The following SPEN variants were observed in gnomAD, a reference collection of about 807,000 sequenced individuals.
SPEN encodes spen family transcriptional repressor, also known as msx2-interacting protein.
A neutral mutation model predicts 269.9 loss-of-function variants in SPEN; 18 were observed. The ratio of observed to expected loss-of-function variants is 0.07; its 90% CI spans 0.05 to 0.10. SPEN has a LOEUF of 0.10. Among genes scored for constraint, SPEN ranks in the 10% least tolerant of loss-of-function variants. The probability of loss-of-function intolerance (pLI) is 1.00; values close to 1 mark genes in which losing one functional copy is unlikely to be tolerated. For synonymous variants in SPEN, 1,726 were observed against 1,765.7 expected (o/e 0.98, Z 0.56); for missense variants, 3,822 against 4,631.2 (o/e 0.83, Z 5.07).
At chr1:15,895,678 CT>C (rs746305617) in intron 3 of SPEN, among the ~76,000 whole-genome samples, 1,331 of 129,660 alleles carry the variant, frequency 0.01, 5 homozygotes, top group African/African-American at 0.029. Flanking sequence ...TATACTTAAC[CT>C]TTTTTTTTTT....
chr1:15,888,218 CTT>C (rs763541391), intron 3 of SPEN, among the ~76,000 whole-genome samples: 1 of 151,110 alleles, frequency 6.6e-6, no homozygotes, highest in Non-Finnish European at 1.5e-5. Flanking sequence ...AAGCGATTCT[CTT>C]GTCTCAGCCT....
At chr1:15,904,452 CAA>C (rs1215369183) in intron 3 of SPEN, among the ~76,000 whole-genome samples, 551 of 48,574 alleles carry the variant, frequency 0.011, 2 homozygotes, top group African/African-American at 0.025. Flanking sequence ...AACTCCATCT[CAA>C]AAAAAAAAAA....
At chr1:15,862,801 G>A (rs1418704173) in intron 1 of SPEN, among the ~76,000 whole-genome samples, 1 of 149,904 alleles carries the variant, frequency 6.7e-6, no homozygotes, top group African/African-American at 2.5e-5. Context: ...TCGCTCTGTC[G>A]CCCAGGCTAG....
chr1:15,883,912 C>A (rs2070712601), intron 3 of SPEN, among the ~76,000 whole-genome samples: 1 of 151,182 alleles, frequency 6.6e-6, no homozygotes, highest in Admixed American at 6.6e-5. Flanking sequence ...TGGGTTCACG[C>A]CATTTTCTTG....
chr1:15,930,917 G>A lies in SPEN; in HGVS notation c.4677G>A (p.Arg1559=). The A allele has an allele frequency of 6.2e-7, 1 of 1,614,124 alleles. No individual in the cohort carries two copies. Among genetic ancestry groups the A allele is most frequent in the East Asian group, 2.2e-5 (1 of 44,888 alleles). Residue 1559 remains arginine, a synonymous_variant, in exon 11 of 15, where the codon AGG becomes AGA. Coordinates refer to ENST00000375759, the MANE Select transcript of SPEN (RefSeq NM_015001.3). The surrounding 1 kb of genome is among the most constrained non-coding windows in gnomAD (Gnocchi z 5.3). ...AAGATTCTGACTTCATTTCTGGTAGGATCTATGGGAAGCAGACATCTGAGG... is the reference window on the plus strand; with the variant it reads ...AAGATTCTGACTTCATTTCTGGTAGAATCTATGGGAAGCAGACATCTGAGG... ...KEEDSDFISG[R]IYGKQTSEGA... is the part of the protein sequence containing the mutation.
At chr1:15,872,141 GA>G (rs1346808227) in intron 1 of SPEN, among the ~76,000 whole-genome samples, 2 of 146,874 alleles carry the variant, frequency 1.4e-5, no homozygotes, top group African/African-American at 5.1e-5. Flanking sequence ...GGGAGGCTGA[GA>G]CACGAGAATC....
chr1:15,848,170 C>A lies in SPEN; in HGVS notation c.83+20C>A. 1 of 1,432,110 alleles carries A rather than the reference C, an allele frequency of 7.0e-7. No homozygotes were observed. The highest frequency in any genetic ancestry group is 9.3e-7 in the Non-Finnish European group (1 of 1,074,366). 88.7% of individuals were successfully genotyped at this position (1,432,110 alleles called of 1,614,324 possible). On this transcript the variant is annotated intron_variant, in intron 1 of 14. Coordinates refer to ENST00000375759, the MANE Select transcript of SPEN (RefSeq NM_015001.3). This position sits in a 1 kb window ranked among gnomAD's most constrained non-coding sequence, Gnocchi z 5.1. ...CAAACGGTGAGTGACACGAGGCCCG[C>A]GGCCGCGCTCGCTCCTCGGGCGCCG...
At position 15,933,363 on chromosome 1, in the gene SPEN, G is replaced by A; in HGVS notation, c.7123G>A (p.Val2375Ile). The A allele has an allele frequency of 1.2e-6, 2 of 1,614,148 alleles. No homozygotes were observed. Among genetic ancestry groups the A allele is most frequent in the Admixed American group, 1.7e-5 (1 of 60,016 alleles). Reference sequence around the variant, plus strand: ...TCCTGCTGCAAATGAGGGGACAACAGTACAGCACCCCGAAGCCCCACAGGA... The same window carrying A: ...TCCTGCTGCAAATGAGGGGACAACAATACAGCACCCCGAAGCCCCACAGGA... ...ESPAANEGTT[V>I]QHPEAPQEEK... is the part of the protein sequence containing the mutation. Residue 2375 changes from valine (V) to isoleucine (I), a missense_variant, in exon 11 of 15, where the codon GTA becomes ATA. Physicochemically the swap from Val to Ile is conservative, Grantham distance 29. Coordinates refer to ENST00000375759, the MANE Select transcript of SPEN (RefSeq NM_015001.3). This position sits in a 1 kb window ranked among gnomAD's most constrained non-coding sequence, Gnocchi z 5.7.
intron 9 of SPEN, 34 bp from the exon 10 acceptor site, chr1:15,922,215 A>G (rs944900103): frequency 6.8e-7 from 1 of 1,467,494 alleles, no homozygotes; most frequent in Middle Eastern, 1.7e-4. Context: ...TAAAATTTGA[A>G]ACTTGCATCA....
intron 2 of SPEN, 44 bp downstream of exon 2, chr1:15,873,180 TGGTGAGAAACA>T: frequency 6.5e-7 from 1 of 1,545,686 alleles, no homozygotes; most frequent in South Asian, 1.2e-5. Context: ...GTATTTGATA[TGGTGAGAAACA>T]GAAACTCATA....
At chr1:15,879,425 C>T (rs576293917) in intron 3 of SPEN, among the ~76,000 whole-genome samples, 2 of 152,040 alleles carry the variant, frequency 1.3e-5, no homozygotes, top group African/African-American at 4.8e-5. Context: ...AGCTTAGTCC[C>T]TGCTCATGTA....
chr1:15,857,917 C>T (rs2070403446), intron 1 of SPEN, among the ~76,000 whole-genome samples: 1 of 151,940 alleles, frequency 6.6e-6, no homozygotes, highest in Non-Finnish European at 1.5e-5. Flanking sequence ...ATCATGAGGT[C>T]AGGAGATCGA....
rs1283137901 is a variant in SPEN at position 15,876,668 on chromosome 1, A to C, written c.871A>C (p.Ser291Arg). The change falls in exon 3 of 15, where the codon AGC becomes CGC. Residue 291 changes from serine to arginine, a missense_variant. Transcript: ENST00000375759. The stretch of plus-strand genomic sequence containing the variant: ...TTCAATCAGCAGCAGCAGTAGTACC[A>C]GCAGTGACAGGTAGGTTAACAGCCT... Reference protein sequence around the residue: ...SDSISSSSSTSSDSSDSSSSS... With the variant: ...SDSISSSSSTRSDSSDSSSSS... 7 of 1,611,268 alleles carry C rather than the reference A, an allele frequency of 4.3e-6. No individual in the cohort carries two copies. Among genetic ancestry groups the C allele is most frequent in the Non-Finnish European group, 5.1e-6 (6 of 1,178,338 alleles).
rs768286761 is a variant in SPEN at position 15,930,214 on chromosome 1, A to T, written c.3974A>T (p.Lys1325Ile). Residue 1325 changes from lysine to isoleucine, a missense_variant, in exon 11 of 15, where the codon AAA becomes ATA. Coordinates refer to ENST00000375759, the MANE Select transcript of SPEN (RefSeq NM_015001.3). The surrounding 1 kb of genome is among the most constrained non-coding windows in gnomAD (Gnocchi z 5.3). The part of the protein sequence containing the change: ...SRREQMADMA[K>I]IKLSVLNSED... ...AGAGAACAGATGGCAGATATGGCCA[A>T]AATAAAACTATCTGTCTTGAATTCT... 4.2e-5 allele frequency: 67 copies of T among 1,614,070 alleles called. No homozygotes were observed. Among genetic ancestry groups the T allele is most frequent in the Non-Finnish European group, 5.5e-5 (65 of 1,180,038 alleles).
chr1:15,878,406 T>A (rs1298064913), intron 3 of SPEN, among the ~76,000 whole-genome samples: 1 of 152,210 alleles, frequency 6.6e-6, no homozygotes, highest in East Asian at 1.9e-4. Flanking sequence ...TCAAACATTC[T>A]GGAAGATTTG....
intron 1 of SPEN, among the ~76,000 whole-genome samples, chr1:15,867,919 C>A (rs1022193317): frequency 6.6e-6 from 1 of 152,056 alleles, no homozygotes; most frequent in African/African-American, 2.4e-5. Context: ...CCGCAACTTC[C>A]GCCTCCTGGG....
chr1:15,885,908 G>A (rs1361249879), intron 3 of SPEN, among the ~76,000 whole-genome samples: 1 of 151,990 alleles, frequency 6.6e-6, no homozygotes, highest in Non-Finnish European at 1.5e-5. Context: ...TGCTTGCATC[G>A]TTTGTTATTG....
intron 8 of SPEN, among the ~76,000 whole-genome samples, chr1:15,919,739 A>C (rs2071098832): frequency 6.6e-6 from 1 of 152,250 alleles, no homozygotes; most frequent in Non-Finnish European, 1.5e-5. Flanking sequence ...ATTAATTTTG[A>C]AACTATTCTC....
intron 3 of SPEN, among the ~76,000 whole-genome samples, chr1:15,901,317 TA>T (rs578009515): frequency 2.8e-5 from 4 of 143,412 alleles, no homozygotes; most frequent in South Asian, 2.2e-4. Flanking sequence ...CTCTGTCTGG[TA>T]AAAAAAAATA....
Sources: gnomAD v4.1 joint callset for allele counts (sites outside exome capture counted in the v4.1 genomes callset) on GRCh38, gnomAD v4.1.1 for gene constraint, Gnocchi (gnomAD v3.1) non-coding constraint, MANE v1.5 for transcripts, NCBI Gene and HGNC (gene_info 2026-07-23, HGNC 2026-07-21) for gene names.